Variants in MPND observed in about 807,000 individuals in gnomAD.
MPND encodes MPN domain containing.
A neutral mutation model predicts 59.2 loss-of-function variants in MPND; 56 were observed. The observed-to-expected ratio is 0.95, with a 90% CI of 0.76 to 1.18. The LOEUF is 1.18. MPND is among the 50% of genes most tolerant of loss of function. The pLI is 0.00. For synonymous variants in MPND, 323 were observed against 291.9 expected, an observed-to-expected ratio of 1.11 and a Z score of -1.09; for missense variants, 671 against 676.0, an observed-to-expected ratio of 0.99 and a Z score of 0.08.
chr19:4,345,040 CTTTTTTTTTTT>C (rs773615575), intron 2 of MPND, among the ~76,000 whole-genome samples: 6 of 66,440 alleles, frequency 9.0e-5, no homozygotes, highest in Non-Finnish European at 1.7e-4. Context: ...CATGCCCGGC[CTTTTTTTTTTT>C]TTTTTTTTTT....
In MPND at chr19:4,357,528, T is replaced by C; in HGVS notation, c.1179T>C (p.Ser393=). 1 of 1,613,696 alleles carries C rather than the reference T, an allele frequency of 6.2e-7. No homozygotes were observed. Among genetic ancestry groups the C allele is most frequent in the South Asian group, 1.1e-5 (1 of 90,932 alleles). Residue 393 remains serine, a synonymous_variant, in exon 10 of 13, where the codon TCT becomes TCC. Coordinates refer to ENST00000599840, the MANE Select transcript of MPND (RefSeq NM_001300862.2). ...CTCTCCCGCCAGCCCCTTACTATTC[T>C]GGCAACCCAGGCCCCGAGTCCAAGA... ...CLALLCSPYY[S]GNPGPESKIS...
rs781205835 is a variant in MPND, at chr19:4,357,541, C to A, written c.1192C>A (p.Pro398Thr). 1.7e-5 allele frequency: 27 copies of A among 1,613,762 alleles called. 2 individuals are homozygous for A. The South Asian group carries it at 2.7e-4, about 16-fold the overall frequency. ...CSPYYSGNPGPESKISPFWVM... is the reference protein window; with the variant it reads ...CSPYYSGNPGTESKISPFWVM... ...CCCTTACTATTCTGGCAACCCAGGC[C>A]CCGAGTCCAAGATCTCACCTTTCTG... The change falls in exon 10 of 13, where the codon CCC becomes ACC. Residue 398 changes from proline to threonine, a missense_variant. Coordinates refer to ENST00000599840, the MANE Select transcript of MPND (RefSeq NM_001300862.2).
chr19:4,359,280 T>A (rs1268735881), intron 12 of MPND, 25 bp downstream of exon 12: 3 of 1,590,698 alleles, frequency 1.9e-6, no homozygotes, highest in Non-Finnish European at 2.6e-6. Flanking sequence ...CCCGCAGACC[T>A]CCTAACGGGG....
Position 4,354,358 on chromosome 19 carries a change from G to C in MPND, c.784G>C (p.Ala262Pro). The change falls in exon 6 of 13, where the codon GCA (alanine) becomes CCA (proline). Residue 262 changes from alanine (A) to proline (P), a missense_variant. Ala to Pro is a conservative substitution (Grantham distance 27). Coordinates refer to ENST00000599840, the MANE Select transcript of MPND (RefSeq NM_001300862.2). ...CACCCTGGTGGAAGTAACATCCTTTGCAGCCATCAACAAGTTCCAGCCGTT... is the reference window on the plus strand; with the variant it reads ...CACCCTGGTGGAAGTAACATCCTTTCCAGCCATCAACAAGTTCCAGCCGTT... Reference protein sequence around the residue: ...PHTLVEVTSFAAINKFQPFNV... With the variant: ...PHTLVEVTSFPAINKFQPFNV... 1 of 1,562,192 alleles carries C rather than the reference G, an allele frequency of 6.4e-7. No individual in the cohort carries two copies. The highest frequency in any genetic ancestry group is 1.7e-4 in the Middle Eastern group (1 of 6,002).
intron 8 of MPND, chr19:4,357,023 G>T: frequency 2.4e-6 from 1 of 420,500 alleles, no homozygotes; most frequent in South Asian, 7.6e-5. Flanking sequence ...AAATGACTTT[G>T]GTGTCCTGGC....
Position 4,358,191 on chromosome 19 carries a change from G to A in MPND, c.1326+19G>A, listed in dbSNP as rs774722680. 1.6e-5 allele frequency: 24 copies of A among 1,544,850 alleles called. No individual in the cohort carries two copies. The highest frequency in any genetic ancestry group is 4.9e-5 in the East Asian group (2 of 40,902). On this transcript the variant is annotated intron_variant, in intron 11 of 12. Transcript: ENST00000599840. Reference sequence around the variant, plus strand: ...CGAGATGGTGAGCTCGCTGCGGGGCGGGCAGGCAGGGGCTGGCAGTGCGCA... The same window carrying A: ...CGAGATGGTGAGCTCGCTGCGGGGCAGGCAGGCAGGGGCTGGCAGTGCGCA...
Position 4,343,572 on chromosome 19 carries a change from C to T in MPND, c.-22C>T, listed in dbSNP as rs917873083. 2.5e-6 allele frequency: 3 copies of T among 1,221,986 alleles called. No homozygotes were observed. In the Admixed American group the frequency reaches 1.3e-4, roughly 52 times the overall value. The allele number at this position is 1,221,986 out of a possible 1,614,324, so 75.7% of individuals were successfully genotyped here. Reference sequence around the variant, plus strand: ...TGCCGGGAAGCCGGAGTCTAGAGCTCCGGGCGCGGGGAGGCGCGGCCATGG... The same window carrying T: ...TGCCGGGAAGCCGGAGTCTAGAGCTTCGGGCGCGGGGAGGCGCGGCCATGG... On this transcript the variant is annotated 5_prime_UTR_variant, in exon 1 of 13. Transcript: ENST00000599840.
At chr19:4,358,388 C>CT in intron 11 of MPND, 1 of 574,952 alleles carries the variant, frequency 1.7e-6, no homozygotes, top group Non-Finnish European at 3.1e-6. Context: ...CTGCTGTTCT[C>CT]TAAGGCACTG....
At chr19:4,354,482 G>A (rs1241606128) in intron 6 of MPND, 62 bp downstream of exon 6, 8 of 1,363,288 alleles carry the variant, frequency 5.9e-6, no homozygotes, top group South Asian at 1.3e-5. Context: ...GGCAGCGGGC[G>A]GGGCTCCCCT....
At chr19:4,346,161 G>A (rs968711929) in intron 3 of MPND, among the ~76,000 whole-genome samples, 180 bp downstream of exon 3, 1 of 152,236 alleles carries the variant, frequency 6.6e-6, no homozygotes, top group Non-Finnish European at 1.5e-5. Context: ...GGGGACATGG[G>A]AGCTTGGGCT....
At chr19:4,352,176 GA>G (rs969763345) in intron 3 of MPND, among the ~76,000 whole-genome samples, 44 of 140,494 alleles carry the variant, frequency 3.1e-4, no homozygotes, top group South Asian at 1.3e-3. Context: ...GTGTCTCAAA[GA>G]AAAAAAAAAA....
At position 4,345,842 on chromosome 19, in the gene MPND, G is replaced by T. The variant is rs201493632; in HGVS notation, c.392G>T (p.Cys131Phe). Residue 131 changes from cysteine to phenylalanine, a missense_variant, in exon 3 of 13, where the codon TGC becomes TTC. Coordinates refer to ENST00000599840, the MANE Select transcript of MPND (RefSeq NM_001300862.2). ...FNSPSAWATH[C>F]KKLVNPAKKS... The stretch of plus-strand genomic sequence containing the variant: ...TCACCCAGCGCCTGGGCCACCCACT[G>T]CAAGAAGCTGGTGAACCCTGCCAAG... 1 of 1,614,092 alleles carries T rather than the reference G, an allele frequency of 6.2e-7. No individual in the cohort carries two copies. The highest frequency in any genetic ancestry group is 8.5e-7 in the Non-Finnish European group (1 of 1,180,036).
intron 3 of MPND, among the ~76,000 whole-genome samples, chr19:4,346,524 C>A (rs189671004): frequency 1.3e-5 from 2 of 151,968 alleles, no homozygotes; most frequent in Admixed American, 1.3e-4. Flanking sequence ...TTCAAGCGAT[C>A]CTCCCACCTC....
chr19:4,353,830 A>C, intron 4 of MPND: 1 of 501,698 alleles, frequency 2.0e-6, no homozygotes, highest in Non-Finnish European at 3.6e-6. Flanking sequence ...CCCAGTGAAA[A>C]AAAATTTCTT....
chr19:4,359,343 G>A, intron 12 of MPND, 88 bp downstream of exon 12: 1 of 919,626 alleles, frequency 1.1e-6, no homozygotes, highest in Non-Finnish European at 1.7e-6. Context: ...TGAGCCCCGT[G>A]GGCCTCAGGG....
At chr19:4,351,679 G>A (rs1324791577) in intron 3 of MPND, among the ~76,000 whole-genome samples, 3 of 150,874 alleles carry the variant, frequency 2.0e-5, no homozygotes, top group Non-Finnish European at 4.4e-5. Context: ...TGGCTAACAC[G>A]GTGAAACCCC....
At chr19:4,358,660 G>A (rs995578010) in intron 11 of MPND, among the ~76,000 whole-genome samples, 1 of 152,176 alleles carries the variant, frequency 6.6e-6, no homozygotes, top group African/African-American at 2.4e-5. Context: ...GGTGGCGGGT[G>A]CCTATAGTCC....
At chr19:4,349,365 CGCA>C (rs1021700821) in intron 3 of MPND, among the ~76,000 whole-genome samples, 3 of 152,134 alleles carry the variant, frequency 2.0e-5, no homozygotes, top group African/African-American at 7.2e-5. Context: ...CATGAGCCAC[CGCA>C]GCCAGTCACG....
chr19:4,352,721 A>T (rs1055018396), intron 3 of MPND, among the ~76,000 whole-genome samples, 176 bp from the exon 4 acceptor site: 4 of 25,030 alleles, frequency 1.6e-4, no homozygotes, highest in Admixed American at 1.3e-3. Flanking sequence ...CAAATAAATA[A>T]AAAAAAATGT....
Sources: gnomAD v4.1 joint callset for allele counts (sites outside exome capture counted in the v4.1 genomes callset) on GRCh38, gnomAD v4.1.1 for gene constraint, MANE v1.5 for transcripts, NCBI Gene and HGNC (gene_info 2026-07-23, HGNC 2026-07-21) for gene names.